The following TMEM260 variants were observed in gnomAD, a reference collection of about 807,000 sequenced individuals.
TMEM260 encodes the protein protein O-mannosyl-transferase TMEM260.
In TMEM260, 82 loss-of-function variants were observed where a neutral mutation model predicts 88.9. The ratio of observed to expected loss-of-function variants is 0.92; its 90% CI spans 0.77 to 1.11. The LOEUF (loss-of-function observed/expected upper bound fraction) is 1.11, where lower values mean the gene tolerates loss of function less well. Ranked by LOEUF, TMEM260 falls within the 50% of genes least tolerant of loss-of-function variation. TMEM260 has a pLI of 0.00. For missense variants in TMEM260, 902 were observed against 853.4 expected (o/e 1.06, Z -0.71); for synonymous variants, 314 against 309.3 (o/e 1.02, Z -0.16).
intron 8 of TMEM260, among the ~76,000 whole-genome samples, chr14:56,616,937 G>A (rs1431331657): frequency 6.6e-6 from 1 of 152,048 alleles, no homozygotes; most frequent in African/African-American, 2.4e-5. Context: ...AACAAAATCA[G>A]TAGTTTGCAT....
chr14:56,587,955 C>T (rs1385683668), intron 3 of TMEM260, among the ~76,000 whole-genome samples: 1 of 152,018 alleles, frequency 6.6e-6, no homozygotes, highest in East Asian at 1.9e-4. Flanking sequence ...CTGAACTTAA[C>T]CTTTAAAACC....
intron 12 of TMEM260, among the ~76,000 whole-genome samples, chr14:56,630,253 G>A (rs1411107177): frequency 1.3e-5 from 2 of 152,156 alleles, no homozygotes; most frequent in Non-Finnish European, 2.9e-5. Context: ...AACTTGTTTG[G>A]AGTTTTCCAA....
chr14:56,625,572 G>A (rs747710573), intron 12 of TMEM260, 42 bp downstream of exon 12: 1 of 1,520,504 alleles, frequency 6.6e-7, no homozygotes, highest in Non-Finnish European at 8.9e-7. Context: ...AAAATCTTAA[G>A]CTTTTCTAAA....
chr14:56,644,394 G>A (rs567320851), intron 15 of TMEM260, among the ~76,000 whole-genome samples: 65 of 152,280 alleles, frequency 4.3e-4, no homozygotes, highest in South Asian at 2.9e-3. Flanking sequence ...ACAAAAACAA[G>A]CAATGGGGAA....
At chr14:56,639,417 C>A (rs1404776990) in intron 15 of TMEM260, among the ~76,000 whole-genome samples, 1 of 152,092 alleles carries the variant, frequency 6.6e-6, no homozygotes, top group East Asian at 1.9e-4. Flanking sequence ...ATCTCATGTA[C>A]CTTATAAATA....
chr14:56,596,778 A>AG (rs1886262296), intron 3 of TMEM260, among the ~76,000 whole-genome samples: 5 of 89,074 alleles, frequency 5.6e-5, no homozygotes, highest in African/African-American at 3.1e-4. Context: ...AAAAAAAAAA[A>AG]AAAATTAAAA....
chr14:56,620,505 C>T (rs1404048887), intron 10 of TMEM260, among the ~76,000 whole-genome samples: 2 of 152,194 alleles, frequency 1.3e-5, no homozygotes, highest in Non-Finnish European at 2.9e-5. Context: ...AGTCCAGGTT[C>T]GACACCAGAC....
intron 3 of TMEM260, among the ~76,000 whole-genome samples, chr14:56,593,813 G>A (rs903792880): frequency 1.4e-5 from 2 of 145,998 alleles, no homozygotes; most frequent in African/African-American, 2.5e-5. Context: ...TCAGCCTCCC[G>A]AGTAGCTGGG....
chr14:56,625,352 G>T, intron 11 of TMEM260, 30 bp from the exon 12 acceptor site: 1 of 1,601,320 alleles, frequency 6.2e-7, no homozygotes, highest in South Asian at 1.1e-5. Flanking sequence ...TATATTAAAA[G>T]TCTGACATTA....
At chr14:56,605,533 A>T in intron 4 of TMEM260, 37 bp from the exon 5 acceptor site, 1 of 1,231,852 alleles carries the variant, frequency 8.1e-7, no homozygotes, top group Non-Finnish European at 1.1e-6. Flanking sequence ...TTTTAGGTGA[A>T]TTTTTTACTT....
intron 2 of TMEM260, 50 bp downstream of exon 2, chr14:56,585,082 G>T: frequency 1.3e-6 from 2 of 1,551,730 alleles, no homozygotes; most frequent in Non-Finnish European, 1.8e-6. Context: ...ACAGTTTTAG[G>T]AATTAAGAAA....
In TMEM260 at chr14:56,603,878, A is replaced by T. The variant is rs146654998; in HGVS notation, c.408A>T (p.Thr136=). The change falls in exon 4 of 16, where the codon ACA becomes ACT. Residue 136 remains threonine (T), a synonymous_variant. Transcript: ENST00000261556. ...AAGVFSFSRL[T]WQWSIAAEVF... is the part of the protein sequence containing the mutation. ...GGGTGTTTTCATTTTCTCGTCTAACATGGCAGTGGTCCATTGCAGCAGAGG... is the reference window on the plus strand; with the variant it reads ...GGGTGTTTTCATTTTCTCGTCTAACTTGGCAGTGGTCCATTGCAGCAGAGG... 102 of 1,613,966 alleles carry T rather than the reference A, an allele frequency of 6.3e-5. No homozygotes were observed. In the African/African-American group the frequency reaches 1.1e-3, roughly 18 times the overall value.
intron 15 of TMEM260, among the ~76,000 whole-genome samples, chr14:56,638,632 A>G (rs1889313852): frequency 1.3e-5 from 2 of 152,128 alleles, no homozygotes; most frequent in Admixed American, 6.5e-5. Flanking sequence ...CAATGTTTAC[A>G]AGACAAATGA....
At chr14:56,661,374 G>A in the TMEM260 span, among the ~76,000 whole-genome samples, 1 of 152,222 alleles carries the variant, frequency 6.6e-6, no homozygotes, top group Non-Finnish European at 1.5e-5. Flanking sequence ...AATGCCCTCG[G>A]TGGTGGAGCA....
chr14:56,616,497 CACAA>C (rs1463948134), intron 8 of TMEM260, among the ~76,000 whole-genome samples: 3 of 151,878 alleles, frequency 2.0e-5, no homozygotes, highest in Admixed American at 2.0e-4. Context: ...GTTTACTTGA[CACAA>C]ACATTGTGAA....
At chr14:56,661,175 C>T in the TMEM260 span, among the ~76,000 whole-genome samples, 3 of 152,196 alleles carry the variant, frequency 2.0e-5, no homozygotes, top group Non-Finnish European at 4.4e-5. Context: ...AGGATCCAAC[C>T]CTGGGCCAGG....
intron 13 of TMEM260, among the ~76,000 whole-genome samples, chr14:56,633,693 T>C (rs1373065559): frequency 6.6e-6 from 1 of 152,176 alleles, no homozygotes; most frequent in African/African-American, 2.4e-5. Flanking sequence ...TTACTGGCCT[T>C]CCATTAAGCA....
chr14:56,638,382 T>G (rs942444694), intron 15 of TMEM260: 12 of 152,300 alleles, frequency 7.9e-5, no homozygotes, highest in Admixed American at 4.6e-4. Flanking sequence ...ATAATCCTGT[T>G]TATCTCTAAT....
chr14:56,653,745 A>AAAAAAAACAAC (rs1555343566), downstream of TMEM260, among the ~76,000 whole-genome samples: 17 of 137,446 alleles, frequency 1.2e-4, 4 homozygotes, highest in East Asian at 2.2e-4. Context: ...CCAAAACAAA[A>AAAAAAAACAAC]AAAAAAAAAA....
Sources: allele counts gnomAD v4.1 joint callset (sites outside exome capture counted in the v4.1 genomes callset), GRCh38; gene constraint gnomAD v4.1.1; transcripts MANE v1.5; gene names NCBI Gene and HGNC (gene_info 2026-07-23, HGNC 2026-07-21).